Variants in PTPRG observed in about 807,000 individuals in gnomAD.
PTPRG encodes protein tyrosine phosphatase receptor type G.
PTPRG carries 102 observed loss-of-function variants against 165.3 expected under a neutral mutation model. The observed-to-expected ratio is 0.62, with a 90% CI of 0.53 to 0.73. PTPRG has a LOEUF of 0.73. PTPRG is among the 30% of genes least tolerant of loss of function. PTPRG has a pLI of 0.00. For missense variants in PTPRG, 1,866 were observed against 1,861.4 expected, an observed-to-expected ratio of 1.00 and a Z score of -0.05; for synonymous variants, 675 against 669.5, an observed-to-expected ratio of 1.01 and a Z score of -0.13.
chr3:62,151,963 A>G (rs1704353055), intron 6 of PTPRG, among the ~76,000 whole-genome samples: 1 of 152,184 alleles, frequency 6.6e-6, no homozygotes, highest in Non-Finnish European at 1.5e-5. Flanking sequence ...CACTTACACA[A>G]AGGTTAAATA....
intron 8 of PTPRG, among the ~76,000 whole-genome samples, chr3:62,188,111 C>T (rs1167354297): frequency 4.6e-5 from 7 of 152,142 alleles, no homozygotes; most frequent in East Asian, 3.8e-4. Flanking sequence ...TGGTGGCTCA[C>T]GTCTGTAATT....
Position 62,107,802 on chromosome 3 carries a change from A to G in PTPRG, c.616-24800A>G, listed in dbSNP as rs548775306. ...ATTGAGCACCTATTTGTGCTAGCCA[A>G]TGTACTAACTACTTACTAAATTCCC... On this transcript the variant is annotated intron_variant, in intron 5 of 29. Transcript: ENST00000474889. 1.2e-3 allele frequency among the ~76,000 whole-genome samples: 184 copies of G among 150,964 alleles called. 1 individual carries two copies. Among genetic ancestry groups the G allele is most frequent in the African/African-American group, 4.3e-3 (177 of 41,144 alleles).
chr3:61,836,452 CTT>C (rs956324863), intron 2 of PTPRG, among the ~76,000 whole-genome samples: 2 of 152,142 alleles, frequency 1.3e-5, no homozygotes, highest in African/African-American at 4.8e-5. Flanking sequence ...AGACACTAGC[CTT>C]TCCTGTCTCC....
intron 5 of PTPRG, among the ~76,000 whole-genome samples, chr3:62,105,836 G>A (rs1702455997): frequency 6.6e-6 from 1 of 152,104 alleles, no homozygotes; most frequent in Non-Finnish European, 1.5e-5. Context: ...AGATCTCTTG[G>A]TGTCTTCTCA....
At chr3:61,747,122 C>CA (rs34710146) in intron 1 of PTPRG, among the ~76,000 whole-genome samples, 31 of 150,446 alleles carry the variant, frequency 2.1e-4, no homozygotes, top group Admixed American at 3.3e-4. Flanking sequence ...GACCCTGTTT[C>CA]AAAAAAAAAA....
At chr3:62,106,786 C>T (rs990617836) in intron 5 of PTPRG, among the ~76,000 whole-genome samples, 6 of 152,156 alleles carry the variant, frequency 3.9e-5, no homozygotes, top group Non-Finnish European at 7.3e-5. Flanking sequence ...GCCTGGCTTC[C>T]TCTGATGGAA....
intron 8 of PTPRG, among the ~76,000 whole-genome samples, chr3:62,175,638 C>T (rs1705391458): frequency 6.6e-6 from 1 of 152,152 alleles, no homozygotes; most frequent in African/African-American, 2.4e-5. Context: ...TAAAGTTGAA[C>T]AAGGGATGGT....
At chr3:62,250,482 CT>C (rs1454684747) in intron 15 of PTPRG, among the ~76,000 whole-genome samples, 3 of 152,158 alleles carry the variant, frequency 2.0e-5, no homozygotes, top group Non-Finnish European at 2.9e-5. Context: ...CTTATTTTTC[CT>C]TTCTAATATC....
intron 1 of PTPRG, among the ~76,000 whole-genome samples, chr3:61,712,942 C>A (rs2031634710): frequency 6.6e-6 from 1 of 152,148 alleles, no homozygotes; most frequent in African/African-American, 2.4e-5. Flanking sequence ...AGAGAATGAG[C>A]TCTCTTGATG....
intron 26 of PTPRG, among the ~76,000 whole-genome samples, chr3:62,280,818 C>T (rs1295672999): frequency 1.3e-5 from 2 of 151,960 alleles, no homozygotes; most frequent in Non-Finnish European, 2.9e-5. Flanking sequence ...AAGTTTCCAT[C>T]AACAGATAAA....
intron 1 of PTPRG, among the ~76,000 whole-genome samples, chr3:61,731,356 T>A (rs1281826769): frequency 6.6e-6 from 1 of 150,766 alleles, no homozygotes; most frequent in Non-Finnish European, 1.5e-5. Context: ...TTCCTTTTTT[T>A]TTTTTTTTTT....
chr3:61,986,110 TA>T (rs2040754840), intron 2 of PTPRG, among the ~76,000 whole-genome samples: 1 of 152,216 alleles, frequency 6.6e-6, no homozygotes, highest in African/African-American at 2.4e-5. Context: ...TCATATTTAA[TA>T]CGACAATCAT....
At chr3:62,046,942 G>A (rs7638067) in intron 4 of PTPRG, among the ~76,000 whole-genome samples, 109,491 of 152,028 alleles carry the variant, frequency 0.72, 40,241 homozygotes, top group Non-Finnish European at 0.79. Context: ...ACATTATGCC[G>A]TTCTCTCAAT....
intron 4 of PTPRG, among the ~76,000 whole-genome samples, chr3:62,019,122 T>C (rs1424578126): frequency 6.6e-6 from 1 of 152,170 alleles, no homozygotes; most frequent in Non-Finnish European, 1.5e-5. Context: ...CTCATCTGTT[T>C]CACATAATTC....
intron 5 of PTPRG, among the ~76,000 whole-genome samples, chr3:62,098,473 C>T (rs758551597): frequency 3.9e-5 from 6 of 152,076 alleles, no homozygotes; most frequent in Non-Finnish European, 5.9e-5. Flanking sequence ...AACCAATCAC[C>T]TGTGGATAGT....
At chr3:62,117,306 A>G (rs1702902092) in intron 5 of PTPRG, among the ~76,000 whole-genome samples, 1 of 152,238 alleles carries the variant, frequency 6.6e-6, no homozygotes, top group African/African-American at 2.4e-5. Context: ...TGAATTCTGT[A>G]TATTGTTCTA....
intron 1 of PTPRG, among the ~76,000 whole-genome samples, chr3:61,650,926 T>C (rs1702331475): frequency 6.6e-6 from 1 of 152,228 alleles, no homozygotes; most frequent in South Asian, 2.1e-4. Context: ...GAATCCTATT[T>C]ACATGTGAAC....
chr3:62,200,984 G>T (rs867789237), intron 10 of PTPRG, among the ~76,000 whole-genome samples: 4 of 152,194 alleles, frequency 2.6e-5, no homozygotes, highest in African/African-American at 9.7e-5. Flanking sequence ...TACGATTCCA[G>T]TTAAATCAAG....
At position 62,255,261 on chromosome 3, in the gene PTPRG, C is replaced by T. The variant is rs1329885420; in HGVS notation, c.2559+46C>T. 1.4e-6 allele frequency: 2 copies of T among 1,464,592 alleles called. No individual in the cohort carries two copies. The highest frequency in any genetic ancestry group is 1.9e-5 in the Admixed American group (1 of 53,032). 90.7% of individuals were successfully genotyped at this position (1,464,592 alleles called of 1,614,324 possible). On this transcript the variant is annotated intron_variant, in intron 16 of 29. Coordinates refer to ENST00000474889, the MANE Select transcript of PTPRG (RefSeq NM_002841.4). This position sits in a 1 kb window ranked among gnomAD's most constrained non-coding sequence, Gnocchi z 4.0. The stretch of plus-strand genomic sequence containing the variant: ...TTAACTTCCAGAAACCTAAGTCTTA[C>T]TTTATGCAGATTTTTGTAAACTTGA...
Sources: allele counts gnomAD v4.1 joint callset (sites outside exome capture counted in the v4.1 genomes callset), GRCh38; gene constraint gnomAD v4.1.1; non-coding constraint Gnocchi (gnomAD v3.1); transcripts MANE v1.5; gene names NCBI Gene and HGNC (gene_info 2026-07-23, HGNC 2026-07-21).